NRXN1: variants seen among roughly 807,000 people sequenced by gnomAD.
NRXN1 encodes neurexin 1, also known as neurexin-1.
In NRXN1, 39 loss-of-function variants were observed where a neutral mutation model predicts 150.9. The observed-to-expected ratio is 0.26, with a 90% CI of 0.20 to 0.34. The LOEUF (loss-of-function observed/expected upper bound fraction) is 0.34. Among genes scored for constraint, NRXN1 ranks in the 10% least tolerant of loss-of-function variants. The pLI is 1.00. For synonymous variants in NRXN1, 924 were observed against 757.0 expected, an observed-to-expected ratio of 1.22 and a Z score of -3.62; for missense variants, 1,815 against 1,949.9, an observed-to-expected ratio of 0.93 and a Z score of 1.30.
At chr2:49,994,899 A>G (rs981025023) in intron 21 of NRXN1, among the ~76,000 whole-genome samples, 2 of 152,226 alleles carry the variant, frequency 1.3e-5, no homozygotes, top group Admixed American at 1.3e-4. Flanking sequence ...CTGAAGTGTG[A>G]GAAACAGGAT....
intron 9 of NRXN1, among the ~76,000 whole-genome samples, chr2:50,551,050 G>GGAAGAAGAAGAAGAAGAA (rs1204760729): frequency 2.2e-4 from 17 of 79,010 alleles, no homozygotes; most frequent in African/African-American, 1.2e-3. Flanking sequence ...AAGAGGAAGA[G>GGAAGAAGAAGAAGAAGAA]GAAGAAGAAG....
intron 18 of NRXN1, among the ~76,000 whole-genome samples, chr2:50,113,593 C>G (rs898115752): frequency 6.6e-6 from 1 of 152,158 alleles, no homozygotes; most frequent in African/African-American, 2.4e-5. Context: ...ATGACCAACG[C>G]TATTTATACA....
intron 21 of NRXN1, among the ~76,000 whole-genome samples, chr2:50,015,331 G>C (rs1380600542): frequency 1.3e-5 from 2 of 151,798 alleles, no homozygotes; most frequent in Non-Finnish European, 2.9e-5. Context: ...GAGGGAAAAA[G>C]GTCTCTCCTT....
At chr2:50,244,548 A>T (rs773885493) in intron 17 of NRXN1, among the ~76,000 whole-genome samples, 8 of 151,916 alleles carry the variant, frequency 5.3e-5, no homozygotes, top group Non-Finnish European at 1.2e-4. Context: ...TGATTTGCTG[A>T]TAAGTGCCAA....
intron 17 of NRXN1, among the ~76,000 whole-genome samples, chr2:50,416,065 T>C (rs185131911): frequency 9.2e-5 from 14 of 151,944 alleles, no homozygotes; most frequent in African/African-American, 3.1e-4. Context: ...GGGAATACCA[T>C]GGTGAGCAAT....
chr2:50,046,759 C>T (rs13003633), intron 21 of NRXN1, among the ~76,000 whole-genome samples: 91,706 of 151,842 alleles, frequency 0.6, 28,045 homozygotes, highest in Middle Eastern at 0.67. Flanking sequence ...GAGTCAACGC[C>T]CTTGACCACT....
At chr2:50,757,725 C>G (rs1463912197) in intron 5 of NRXN1, among the ~76,000 whole-genome samples, 1 of 151,684 alleles carries the variant, frequency 6.6e-6, no homozygotes, top group South Asian at 2.1e-4. Flanking sequence ...TTTGATTGGG[C>G]ATGACCAGGA....
chr2:50,561,127 C>T (rs1403016683), intron 8 of NRXN1, among the ~76,000 whole-genome samples: 2 of 152,158 alleles, frequency 1.3e-5, no homozygotes, highest in African/African-American at 2.4e-5. Flanking sequence ...TTTGTCCTTC[C>T]TTCATTCCAG....
chr2:50,456,332 G>C (rs1300620743), intron 17 of NRXN1, among the ~76,000 whole-genome samples: 1 of 152,088 alleles, frequency 6.6e-6, no homozygotes, highest in African/African-American at 2.4e-5. Context: ...TGAGAGATGT[G>C]AATTTAGATC....
At chr2:50,243,459 G>A (rs1559158146) in intron 17 of NRXN1, among the ~76,000 whole-genome samples, 1 of 151,486 alleles carries the variant, frequency 6.6e-6, no homozygotes, top group Admixed American at 6.6e-5. Flanking sequence ...TAAAAAATAC[G>A]TTGTTGACTA....
rs371751836 is a variant in NRXN1, at chr2:50,655,414, T to C, written c.833-31799A>G. Among the ~76,000 whole-genome samples the C allele has an allele frequency of 9.9e-5, 15 of 152,162 alleles. No individual in the cohort carries two copies. In the South Asian group the frequency reaches 3.1e-3, roughly 32 times the overall value. On this transcript the variant is annotated intron_variant, in intron 5 of 22. Coordinates refer to ENST00000401669, the MANE Select transcript of NRXN1 (RefSeq NM_001330078.2). ...CTAGCTTACAGCCTAGGAATAAGAA[T>C]ATATACTTTCCTGTCAGGATGGCTT...
chr2:50,402,435 A>G (rs762330389), intron 17 of NRXN1, among the ~76,000 whole-genome samples: 4 of 152,094 alleles, frequency 2.6e-5, no homozygotes, highest in East Asian at 1.9e-4. Flanking sequence ...TCATCTGCCA[A>G]TCTAATAAAT....
At chr2:50,994,779 A>C (rs2105023042) in intron 2 of NRXN1, among the ~76,000 whole-genome samples, 1 of 152,226 alleles carries the variant, frequency 6.6e-6, no homozygotes, top group Middle Eastern at 3.4e-3. Context: ...AGGATTTTAA[A>C]TTATATACAA....
chr2:50,541,231 T>A (rs2093381958), intron 9 of NRXN1, among the ~76,000 whole-genome samples: 1 of 152,060 alleles, frequency 6.6e-6, no homozygotes, highest in African/African-American at 2.4e-5. Flanking sequence ...TCAGCTCAGA[T>A]GGGGAAAAAA....
intron 18 of NRXN1, among the ~76,000 whole-genome samples, chr2:50,144,019 T>G (rs999303665): frequency 6.6e-6 from 1 of 151,906 alleles, no homozygotes; most frequent in Non-Finnish European, 1.5e-5. Flanking sequence ...CACTGGCCTG[T>G]GAAAGCTACT....
chr2:50,538,606 G>T lies in NRXN1; in HGVS notation c.1790C>A (p.Pro597His), dbSNP rs923624148. 2 of 1,516,756 alleles carry T rather than the reference G, an allele frequency of 1.3e-6. No individual in the cohort carries two copies. The highest frequency in any genetic ancestry group is 1.8e-6 in the Non-Finnish European group (2 of 1,131,904). 94.0% of individuals were successfully genotyped at this position (1,516,756 alleles called of 1,614,324 possible). A position where few individuals can be genotyped will look rare whatever the true frequency, so the allele number is the denominator to read the frequency against. Reference protein sequence around the residue: ...GTISVNTLRTPYTAPGESEIL... With the variant: ...GTISVNTLRTHYTAPGESEIL... ...CTCACTCTCACCAGGAGCAGTGTAG[G>T]GAGTACGCAACGTGTTGACAGAAAT... Residue 597 changes from proline to histidine, a missense_variant, in exon 10 of 23, where the codon CCC becomes CAC. Physicochemically the swap from Pro to His is moderately conservative, Grantham distance 77. This residue lies in a region of NRXN1 where 638 missense variants were observed against 652.6 expected (regional missense o/e 0.98). Coordinates refer to ENST00000401669, the MANE Select transcript of NRXN1 (RefSeq NM_001330078.2).
intron 2 of NRXN1, among the ~76,000 whole-genome samples, chr2:51,011,868 G>A (rs954574695): frequency 2.0e-5 from 3 of 151,990 alleles, no homozygotes; most frequent in East Asian, 1.9e-4. Context: ...CTGAGATTGG[G>A]AAAGTGGTAA....
At chr2:50,649,259 TACACAC>T (rs10634117) in intron 5 of NRXN1, among the ~76,000 whole-genome samples, 8,444 of 143,284 alleles carry the variant, frequency 0.059, 277 homozygotes, top group Middle Eastern at 0.11. Flanking sequence ...CATACACACA[TACACAC>T]ACACACACAC....
chr2:50,829,759 T>C, intron 5 of NRXN1: 1 of 1,566,790 alleles, frequency 6.4e-7, no homozygotes. Flanking sequence ...CATGGCCCGC[T>C]TAAGTGCCAC....
Sources: allele counts gnomAD v4.1 joint callset (sites outside exome capture counted in the v4.1 genomes callset), GRCh38; gene constraint gnomAD v4.1.1; regional missense constraint gnomAD v4.1.1; transcripts MANE v1.5; gene names NCBI Gene and HGNC (gene_info 2026-07-23, HGNC 2026-07-21).